Variants in TOR1AIP2 observed in about 807,000 individuals in gnomAD.
TOR1AIP2 encodes the protein torsin-1A-interacting protein 2.
TOR1AIP2 carries 20 observed loss-of-function variants against 32.6 expected under a neutral mutation model. That is an observed-to-expected ratio of 0.61 (90% confidence interval 0.43 to 0.89). The LOEUF is 0.89. TOR1AIP2 is among the 40% of genes least tolerant of loss of function. TOR1AIP2 has a pLI of 0.00. For synonymous variants in TOR1AIP2, 214 were observed against 210.8 expected, an observed-to-expected ratio of 1.02 and a Z score of -0.13; for missense variants, 456 against 553.8, an observed-to-expected ratio of 0.82 and a Z score of 1.77.
chr1:179,849,886 GC>G (rs1183816814), intron 5 of TOR1AIP2, among the ~76,000 whole-genome samples: 1 of 152,238 alleles, frequency 6.6e-6, no homozygotes, highest in Non-Finnish European at 1.5e-5. Context: ...CACAGTCCTT[GC>G]CTTCACTGAA....
Position 179,846,667 on chromosome 1 carries a change from G to T in TOR1AIP2, c.817C>A (p.Leu273Met), listed in dbSNP as rs1005548354. Residue 273 changes from leucine to methionine, a missense_variant, in exon 7 of 7, where the codon CTG (leucine) becomes ATG (methionine). By Grantham distance (15) the Leu-to-Met change is conservative (BLOSUM62 2). Coordinates refer to ENST00000609928, the MANE Select transcript of TOR1AIP2 (RefSeq NM_001199260.2). ...EDKFPGQSSF[L>M]WQRGRKFLQK... ...AGAAACTTCCGTCCTCTCTGCCACA[G>T]GAAGGAACTCTGGCCTGGAAATTTA... 6.2e-7 allele frequency: 1 copy of T among 1,614,044 alleles called. No individual in the cohort carries two copies. The highest frequency in any genetic ancestry group is 1.7e-5 in the Admixed American group (1 of 60,002).
At position 179,850,896 on chromosome 1, in the gene TOR1AIP2, T is replaced by C. The variant is rs115350827; in HGVS notation, c.502A>G (p.Ser168Gly). The C allele has an allele frequency of 3.0e-4, 479 of 1,614,210 alleles. 3 individuals carry two copies. The African/African-American group carries it at 5.4e-3, about 18-fold the overall frequency. ...SQEAQSPGHSSAGQEGEDTLR... is the reference protein window; with the variant it reads ...SQEAQSPGHSGAGQEGEDTLR... ...GTATCCTCACCCTCTTGCCCTGCAC[T>C]GGAATGACCAGGACTCTGGGCCTCC... Residue 168 changes from serine (S) to glycine (G), a missense_variant, in exon 5 of 7, where the codon AGT becomes GGT. By Grantham distance (56) the Ser-to-Gly change is moderately conservative. Transcript: ENST00000609928.
At chr1:179,870,710 T>TC (rs796506580) in intron 2 of TOR1AIP2, among the ~76,000 whole-genome samples, 17 of 152,282 alleles carry the variant, frequency 1.1e-4, no homozygotes, top group African/African-American at 4.1e-4. Context: ...TTTAAAAACT[T>TC]CCATTATTTT....
At chr1:179,853,377 A>G (rs753499662) in intron 3 of TOR1AIP2, among the ~76,000 whole-genome samples, 6 of 152,216 alleles carry the variant, frequency 3.9e-5, no homozygotes, top group Non-Finnish European at 5.9e-5. Flanking sequence ...TCCTTTATAC[A>G]ATGCCTTTTT....
chr1:179,876,151 T>C (rs1375582547), intron 2 of TOR1AIP2: 1 of 152,134 alleles, frequency 6.6e-6, no homozygotes, highest in Non-Finnish European at 1.5e-5. Context: ...GAAATTCAAG[T>C]GGCACTTCAA....
chr1:179,864,787 G>T (rs748741653), intron 3 of TOR1AIP2: 1 of 1,596,486 alleles, frequency 6.3e-7, no homozygotes, highest in Admixed American at 1.8e-5. Context: ...GAAGCTATTT[G>T]TTTTGGCCCA....
intron 3 of TOR1AIP2, among the ~76,000 whole-genome samples, chr1:179,858,347 T>C (rs570946059): frequency 7.9e-5 from 12 of 152,102 alleles, no homozygotes; most frequent in African/African-American, 2.9e-4. Flanking sequence ...AATACATAAA[T>C]GGAAAGGATA....
chr1:179,852,650 G>A lies in TOR1AIP2; in HGVS notation c.16C>T (p.Leu6Phe), dbSNP rs745572608. Residue 6 changes from leucine (L) to phenylalanine (F), a missense_variant, in exon 4 of 7, where the codon CTT becomes TTT. By Grantham distance (22) the Leu-to-Phe change is conservative. Transcript: ENST00000609928. MADSG[L>F]REPQEDSQKD... is the part of the protein sequence containing the mutation. ...GTCTTACCCTCTTGAGGTTCCCTAAGTCCACTGTCGGCCATGTTTGTGTTC... is the reference window on the plus strand; with the variant it reads ...GTCTTACCCTCTTGAGGTTCCCTAAATCCACTGTCGGCCATGTTTGTGTTC... 7.4e-6 allele frequency: 12 copies of A among 1,613,932 alleles called. No individual in the cohort carries two copies. Among genetic ancestry groups the A allele is most frequent in the Admixed American group, 1.7e-5 (1 of 59,998 alleles).
At chr1:179,860,499 CAAGT>C (rs2148441337) in intron 3 of TOR1AIP2, 7 of 985,486 alleles carry the variant, frequency 7.1e-6, no homozygotes, top group Non-Finnish European at 8.4e-6. Context: ...CAAAACAAAA[CAAGT>C]AAGACTCTAC....
chr1:179,867,834 A>G (rs953862800), intron 2 of TOR1AIP2: 2 of 152,224 alleles, frequency 1.3e-5, no homozygotes, highest in South Asian at 2.1e-4. Flanking sequence ...TCCTGCATCA[A>G]GAGAACTCCA....
At chr1:179,859,961 T>TGAGTA in intron 3 of TOR1AIP2, 1 of 633,604 alleles carries the variant, frequency 1.6e-6, no homozygotes, top group Non-Finnish European at 2.0e-6. Context: ...CTCAGCCTCC[T>TGAGTA]GAGTAGCTGG....
At chr1:179,863,709 A>C (rs1325782968) in intron 3 of TOR1AIP2, 9 of 983,816 alleles carry the variant, frequency 9.1e-6, no homozygotes, top group African/African-American at 1.8e-5. Flanking sequence ...GAGGATCGCA[A>C]GGGGGAAGGA....
chr1:179,860,745 G>A lies in TOR1AIP2; in HGVS notation c.-147+4691C>T, dbSNP rs966767300. ...TCAGAATTAGAATAGAAACCCAGCT[G>A]GCTGCAAGGCCATTATTTTGCCTCT... On this transcript the variant is annotated intron_variant, in intron 3 of 6. Transcript: ENST00000609928. 3.5e-5 allele frequency: 34 copies of A among 985,264 alleles called. 1 individual carries two copies. The African/African-American group carries it at 4.9e-4, about 14-fold the overall frequency. The allele number at this position is 985,264 out of a possible 1,614,324, so 61.0% of individuals were successfully genotyped here.
chr1:179,873,177 A>AT (rs1175415503), intron 2 of TOR1AIP2, among the ~76,000 whole-genome samples: 1 of 151,948 alleles, frequency 6.6e-6, no homozygotes. Context: ...CTGGTCAGTT[A>AT]TTTTGGGTTC....
intron 3 of TOR1AIP2, chr1:179,860,854 C>T (rs910131261): frequency 5.1e-6 from 5 of 985,300 alleles, no homozygotes; most frequent in African/African-American, 1.7e-5. Flanking sequence ...GAACGGGCTG[C>T]GGCTCATCTC....
intron 3 of TOR1AIP2, chr1:179,863,504 T>C (rs1284223182): frequency 1.0e-6 from 1 of 984,174 alleles, no homozygotes. Context: ...TTGTACTCAT[T>C]GAGAAAAAAA....
chr1:179,852,526 CT>C, intron 4 of TOR1AIP2, 105 bp downstream of exon 4: 1 of 1,217,778 alleles, frequency 8.2e-7, no homozygotes, highest in Non-Finnish European at 1.2e-6. Context: ...ACTGAATTAG[CT>C]TTTTTACTTC....
chr1:179,848,034 G>GA (rs11445917), intron 5 of TOR1AIP2, among the ~76,000 whole-genome samples: 27,606 of 86,540 alleles, frequency 0.32, 3,266 homozygotes, highest in African/African-American at 0.42. Context: ...CTCCATCTCA[G>GA]AAAAAAAAAA....
At chr1:179,859,938 G>C in intron 3 of TOR1AIP2, 1 of 704,862 alleles carries the variant, frequency 1.4e-6, no homozygotes, top group South Asian at 6.4e-5. Context: ...TGAGGCTCAA[G>C]TGATCCTCCC....
Sources: allele counts gnomAD v4.1 joint callset (sites outside exome capture counted in the v4.1 genomes callset), GRCh38; gene constraint gnomAD v4.1.1; transcripts MANE v1.5; gene names NCBI Gene and HGNC (gene_info 2026-07-23, HGNC 2026-07-21).